Variants in TC2N observed in about 807,000 individuals in gnomAD.
The protein encoded by TC2N is tandem C2 domains, nuclear.
A neutral mutation model predicts 61.9 loss-of-function variants in TC2N; 51 were observed. The ratio of observed to expected loss-of-function variants is 0.82; its 90% confidence interval spans 0.66 to 1.04. The LOEUF (loss-of-function observed/expected upper bound fraction) is 1.04, where lower values mean the gene tolerates loss of function less well. Among genes scored for constraint, TC2N ranks in the 50% least tolerant of loss-of-function variants. TC2N has a pLI of 0.00. For synonymous variants in TC2N, 204 were observed against 192.6 expected (o/e 1.06, Z -0.49); for missense variants, 556 against 566.7 (o/e 0.98, Z 0.19).
intron 8 of TC2N, among the ~76,000 whole-genome samples, chr14:91,796,825 G>T (rs1380754454): frequency 6.6e-6 from 1 of 152,094 alleles, no homozygotes; most frequent in Non-Finnish European, 1.5e-5. Flanking sequence ...AAGTCACCCA[G>T]TTTGTGGTAC....
At chr14:91,853,684 A>C (rs1888422962) in intron 1 of TC2N, among the ~76,000 whole-genome samples, 1 of 119,788 alleles carries the variant, frequency 8.3e-6, no homozygotes, top group Admixed American at 8.5e-5. Flanking sequence ...ACACACACAC[A>C]CACACAATCT....
intron 1 of TC2N, among the ~76,000 whole-genome samples, chr14:91,833,933 A>G (rs1379789481): frequency 6.6e-6 from 1 of 152,220 alleles, no homozygotes; most frequent in Non-Finnish European, 1.5e-5. Flanking sequence ...ACAAAAAAAA[A>G]TCAAACTTTC....
rs185909457 is a variant in TC2N at position 91,818,282 on chromosome 14, A to C, written c.-56-4457T>G. The stretch of plus-strand genomic sequence containing the variant: ...CAGAGTACTGATCAGCACACACACA[A>C]AAAAAGGAAGCTACACAAGACTGCG... On this transcript the variant is annotated intron_variant, in intron 1 of 11. Transcript: ENST00000435962. Among the ~76,000 whole-genome samples the C allele has an allele frequency of 1.5e-3, 221 of 152,268 alleles. 3 individuals carry two copies. The South Asian group carries it at 0.022, about 15-fold the overall frequency.
At chr14:91,822,937 G>A (rs1409297920) in intron 1 of TC2N, among the ~76,000 whole-genome samples, 5 of 151,490 alleles carry the variant, frequency 3.3e-5, no homozygotes, top group Admixed American at 1.3e-4. Context: ...GGATGGTCTC[G>A]ATCTCCTGAC....
At chr14:91,792,642 G>T in intron 8 of TC2N, 84 bp from the exon 9 acceptor site, 1 of 627,892 alleles carries the variant, frequency 1.6e-6, no homozygotes, top group Non-Finnish European at 2.4e-6. Flanking sequence ...TTTATATTTA[G>T]GAAAGGTATA....
chr14:91,848,831 A>G (rs1285454092), intron 1 of TC2N, among the ~76,000 whole-genome samples: 1 of 152,192 alleles, frequency 6.6e-6, no homozygotes, highest in African/African-American at 2.4e-5. Context: ...TGTTGCTGCA[A>G]TGCTGTATGC....
At chr14:91,804,967 A>G (rs570145344) in intron 3 of TC2N, among the ~76,000 whole-genome samples, 1 of 152,360 alleles carries the variant, frequency 6.6e-6, no homozygotes, top group South Asian at 2.1e-4. Flanking sequence ...CATAATTTAA[A>G]AAAGAAAATA....
intron 1 of TC2N, among the ~76,000 whole-genome samples, chr14:91,829,634 T>C (rs1464779766): frequency 1.3e-5 from 2 of 152,162 alleles, no homozygotes; most frequent in African/African-American, 2.4e-5. Context: ...AGTATAGTTA[T>C]CTTAATGATC....
At chr14:91,836,737 T>C (rs1888042191) in intron 1 of TC2N, among the ~76,000 whole-genome samples, 1 of 147,926 alleles carries the variant, frequency 6.8e-6, no homozygotes, top group African/African-American at 2.5e-5. Flanking sequence ...ACTCCGCGCT[T>C]GGCAGCCCCT....
chr14:91,859,244 T>G (rs1478361993), intron 1 of TC2N, among the ~76,000 whole-genome samples: 1 of 152,164 alleles, frequency 6.6e-6, no homozygotes, highest in Non-Finnish European at 1.5e-5. Flanking sequence ...TGTCCAGCTG[T>G]GTAATTAATA....
chr14:91,864,571 TAGA>T (rs763799778), intron 1 of TC2N, among the ~76,000 whole-genome samples: 26 of 152,074 alleles, frequency 1.7e-4, no homozygotes, highest in Non-Finnish European at 2.5e-4. Flanking sequence ...TCATTCTGAG[TAGA>T]AGGTTGGAAA....
chr14:91,843,847 A>G (rs1888210350), intron 1 of TC2N, among the ~76,000 whole-genome samples: 1 of 152,074 alleles, frequency 6.6e-6, no homozygotes, highest in African/African-American at 2.4e-5. Context: ...ATGAATTAGA[A>G]GTGGAGGGAG....
rs376970504 is a variant in TC2N, at chr14:91,802,347, C to T, written c.376G>A (p.Val126Met). Residue 126 changes from valine to methionine, a missense_variant, in exon 4 of 12, where the codon GTG becomes ATG. By Grantham distance (21) the Val-to-Met change is conservative (BLOSUM62 1). Transcript: ENST00000435962. ...SSSQHGPSYD[V>M]YNPFYMYQHI... ...TGATACATATAGAATGGGTTATACACATCATAGCTAGGTCCGTGCTGGGAT... is the reference window on the plus strand; with the variant it reads ...TGATACATATAGAATGGGTTATACATATCATAGCTAGGTCCGTGCTGGGAT... 1.2e-6 allele frequency: 2 copies of T among 1,612,534 alleles called. No individual in the cohort carries two copies. Among genetic ancestry groups the T allele is most frequent in the East Asian group, 2.2e-5 (1 of 44,816 alleles).
intron 1 of TC2N, among the ~76,000 whole-genome samples, chr14:91,840,059 T>G (rs1888135823): frequency 6.6e-6 from 1 of 152,226 alleles, no homozygotes; most frequent in Admixed American, 6.5e-5. Context: ...ACTGTCTCCC[T>G]CTTTCCATTC....
At position 91,798,314 on chromosome 14, in the gene TC2N, C is replaced by T; in HGVS notation, c.723G>A (p.Trp241Ter). 6.4e-7 allele frequency: 1 copy of T among 1,565,680 alleles called. No homozygotes were observed. Among genetic ancestry groups the T allele is most frequent in the East Asian group, 2.3e-5 (1 of 43,798 alleles). Residue 241 changes from tryptophan (W) to a stop codon, truncating the protein, a stop_gained, in exon 7 of 12, where the codon TGG (tryptophan) becomes TGA (stop). Transcript: ENST00000435962. LOFTEE classifies it high-confidence loss of function. ...LFYNSSVEQI[W>*]ITVLQCRDLS... is the part of the protein sequence containing the mutation. ...ACTAATTTACCTGTAAAACTGTGATCCAGATCTGTTCTACTGAAGAATTAT... is the reference window on the plus strand; with the variant it reads ...ACTAATTTACCTGTAAAACTGTGATTCAGATCTGTTCTACTGAAGAATTAT...
intron 1 of TC2N, 56 bp downstream of exon 1, chr14:91,867,206 A>G (rs979741854): frequency 1.3e-5 from 2 of 152,098 alleles, no homozygotes; most frequent in African/African-American, 4.8e-5. Flanking sequence ...GGGTCCTCAA[A>G]TCATCAAGAC....
At chr14:91,807,967 T>A (rs770584721) in intron 3 of TC2N, among the ~76,000 whole-genome samples, 4 of 152,174 alleles carry the variant, frequency 2.6e-5, no homozygotes, top group African/African-American at 4.8e-5. Flanking sequence ...CTTGTGATAG[T>A]GAATAAGTCT....
chr14:91,793,331 A>G (rs1885748059), intron 8 of TC2N, among the ~76,000 whole-genome samples: 1 of 152,210 alleles, frequency 6.6e-6, no homozygotes, highest in Admixed American at 6.5e-5. Flanking sequence ...TTTAGAAAGG[A>G]GCTTTTATTC....
At chr14:91,808,112 C>T (rs1886598905) in intron 3 of TC2N, among the ~76,000 whole-genome samples, 2 of 152,154 alleles carry the variant, frequency 1.3e-5, no homozygotes, top group African/African-American at 4.8e-5. Flanking sequence ...ACTGTGATTC[C>T]ATTAAACCTC....
Sources: gnomAD v4.1 joint callset for allele counts (sites outside exome capture counted in the v4.1 genomes callset) on GRCh38, gnomAD v4.1.1 for gene constraint, MANE v1.5 for transcripts, NCBI Gene and HGNC (gene_info 2026-07-23, HGNC 2026-07-21) for gene names.